ACTR3: variants seen among roughly 807,000 people sequenced by gnomAD.
ACTR3 encodes the protein actin-related protein 3.
A neutral mutation model predicts 56.8 loss-of-function variants in ACTR3; 12 were observed. The observed-to-expected ratio is 0.21, with a 90% CI of 0.14 to 0.34. The LOEUF (loss-of-function observed/expected upper bound fraction) is 0.34, where lower values mean the gene tolerates loss of function less well. Ranked by LOEUF, ACTR3 falls within the 10% of genes least tolerant of loss-of-function variation. The pLI, the probability that ACTR3 is intolerant of heterozygous loss-of-function variation, is 1.00. For missense variants in ACTR3, 282 were observed against 512.5 expected (o/e 0.55, Z 4.34); for synonymous variants, 162 against 167.4 (o/e 0.97, Z 0.25).
At position 113,959,758 on chromosome 2, in the gene ACTR3, T is replaced by C. The variant is rs1278281269; in HGVS notation, c.*2303T>C. The C allele has an allele frequency of 6.6e-6, 1 of 152,042 alleles. No homozygotes were observed. The highest frequency in any genetic ancestry group is 1.5e-5 in the Non-Finnish European group (1 of 67,896). The allele number at this position is 152,042 out of a possible 1,614,324, so 9.4% of individuals were successfully genotyped here. A position where few individuals can be genotyped will look rare whatever the true frequency, so the allele number is the denominator to read the frequency against. ...TAGAGGTTGGCCAAGGTGAACTAAA[T>C]AGTCTGTAACATTGATTAGATATCA... On this transcript the variant is annotated 3_prime_UTR_variant, in exon 12 of 12. Coordinates refer to ENST00000263238, the MANE Select transcript of ACTR3 (RefSeq NM_005721.5).
In ACTR3 at chr2:113,928,512, AG is replaced by A. The variant is rs1160809195; in HGVS notation, c.336+1060del. ...CTGCACCATTCAGTGGATTTTGACC[AG>A]GGTTTGGCAAACTTTCTAAGGGAGC... On this transcript the variant is annotated intron_variant, in intron 4 of 11. Transcript: ENST00000263238. Among the ~76,000 whole-genome samples, 3 of 151,584 alleles carry A rather than the reference AG, an allele frequency of 2.0e-5. No homozygotes were observed. The East Asian group carries it at 5.8e-4, about 29-fold the overall frequency.
intron 1 of ACTR3, among the ~76,000 whole-genome samples, chr2:113,897,967 T>C (rs941122193): frequency 6.6e-6 from 1 of 152,200 alleles, no homozygotes; most frequent in African/African-American, 2.4e-5. Flanking sequence ...AATGCAATGC[T>C]CTTGGGAAGG....
intron 3 of ACTR3, among the ~76,000 whole-genome samples, chr2:113,923,337 TG>T (rs1289675595): frequency 1.5e-4 from 22 of 151,608 alleles, no homozygotes; most frequent in South Asian, 4.2e-4. Context: ...TTTGTTTGTT[TG>T]TTTGTTTGTT....
intron 6 of ACTR3, among the ~76,000 whole-genome samples, chr2:113,936,706 G>A (rs1441295069): frequency 1.3e-5 from 2 of 152,084 alleles, no homozygotes; most frequent in African/African-American, 4.8e-5. Context: ...CTACAGACTG[G>A]GTACCTAAAG....
chr2:113,901,873 C>T (rs1223501685), intron 1 of ACTR3, among the ~76,000 whole-genome samples: 1 of 152,128 alleles, frequency 6.6e-6, no homozygotes, highest in Non-Finnish European at 1.5e-5. Context: ...TGTAATTGTA[C>T]ATGTTTTAAT....
At chr2:113,908,821 C>G (rs911833579) in intron 1 of ACTR3, among the ~76,000 whole-genome samples, 8 of 151,864 alleles carry the variant, frequency 5.3e-5, no homozygotes, top group African/African-American at 1.9e-4. Flanking sequence ...GAAGGTTGAG[C>G]CTTCAAAACC....
At chr2:113,946,568 A>T (rs957738170) in intron 8 of ACTR3, among the ~76,000 whole-genome samples, 11 of 151,930 alleles carry the variant, frequency 7.2e-5, no homozygotes, top group African/African-American at 2.7e-4. Context: ...TTTTCCTTGT[A>T]TATTTATTTA....
At chr2:113,930,917 C>G (rs915944185) in intron 4 of ACTR3, among the ~76,000 whole-genome samples, 3 of 152,172 alleles carry the variant, frequency 2.0e-5, no homozygotes, top group African/African-American at 7.2e-5. Context: ...GGCTCTCCCA[C>G]TGGCAAATAC....
At chr2:113,935,069 A>G (rs1468359024) in intron 6 of ACTR3, among the ~76,000 whole-genome samples, 3 of 151,672 alleles carry the variant, frequency 2.0e-5, no homozygotes, top group Non-Finnish European at 4.4e-5. Context: ...CCAGTGTTTA[A>G]TGCATCAGGC....
rs565061885 is a variant in ACTR3 at position 113,914,573 on chromosome 2, T to G, written c.100+1346T>G. Among the ~76,000 whole-genome samples the G allele has an allele frequency of 8.8e-5, 12 of 136,086 alleles. No homozygotes were observed. In the South Asian group the frequency reaches 2.7e-3, roughly 30 times the overall value. 89.3% of individuals were successfully genotyped at this position (136,086 alleles called of 152,430 possible). A position where few individuals can be genotyped will look rare whatever the true frequency, so the allele number is the denominator to read the frequency against. On this transcript the variant is annotated intron_variant, in intron 2 of 11. Coordinates refer to ENST00000263238, the MANE Select transcript of ACTR3 (RefSeq NM_005721.5). Reference sequence around the variant, plus strand: ...TTGCAGTGAGCTGAGATGGCGCCACTGCATTCCAGGCCTGGGGGGTGACAG... The same window carrying G: ...TTGCAGTGAGCTGAGATGGCGCCACGGCATTCCAGGCCTGGGGGGTGACAG...
intron 1 of ACTR3, among the ~76,000 whole-genome samples, chr2:113,891,572 T>G (rs1302641861): frequency 7.0e-6 from 1 of 142,430 alleles, no homozygotes; most frequent in East Asian, 2.3e-4. Context: ...ACTCCCAGTT[T>G]TTTTTTTTTG....
intron 1 of ACTR3, among the ~76,000 whole-genome samples, chr2:113,891,069 T>C (rs1477365869): frequency 1.3e-5 from 2 of 152,190 alleles, no homozygotes; most frequent in African/African-American, 2.4e-5. Context: ...GCTTCCTGCT[T>C]TCAGTCTTTT....
intron 10 of ACTR3, chr2:113,954,659 T>G (rs1680178862): frequency 1.4e-5 from 2 of 146,954 alleles, no homozygotes; most frequent in Non-Finnish European, 3.1e-5. Context: ...CAGCCACATC[T>G]TTTTTTTTGC....
intron 8 of ACTR3, among the ~76,000 whole-genome samples, chr2:113,942,643 T>TC (rs1403701208): frequency 6.6e-6 from 1 of 152,062 alleles, no homozygotes. Flanking sequence ...ATTTTTTTTT[T>TC]CTTCCCTCCA....
chr2:113,948,899 A>ATC (rs1245914463), intron 8 of ACTR3, among the ~76,000 whole-genome samples: 1 of 151,710 alleles, frequency 6.6e-6, no homozygotes, highest in African/African-American at 2.4e-5. Flanking sequence ...TTCCTTTACT[A>ATC]TCATTCTAGG....
intron 3 of ACTR3, among the ~76,000 whole-genome samples, chr2:113,918,679 C>T (rs1333631873): frequency 6.6e-6 from 1 of 152,210 alleles, no homozygotes; most frequent in Admixed American, 6.5e-5. Context: ...GTTACCACGC[C>T]TGGGCCAGGA....
Position 113,910,147 on chromosome 2 carries a change from C to T in ACTR3, c.45-3025C>T, listed in dbSNP as rs141799043. On this transcript the variant is annotated intron_variant, in intron 1 of 11. Transcript: ENST00000263238. ...GGCATGATTAGTGAGTTGGGACTTCCAGCCCCACCCTCCAACCACTGGGGC... is the reference window on the plus strand; with the variant it reads ...GGCATGATTAGTGAGTTGGGACTTCTAGCCCCACCCTCCAACCACTGGGGC... Among the ~76,000 whole-genome samples, 189 of 152,194 alleles carry T rather than the reference C, an allele frequency of 1.2e-3. 1 individual carries two copies. Among genetic ancestry groups the T allele is most frequent in the African/African-American group, 4.5e-3 (185 of 41,520 alleles).
intron 10 of ACTR3, chr2:113,954,430 A>G (rs1680173563): frequency 6.6e-6 from 1 of 152,124 alleles, no homozygotes; most frequent in Admixed American, 6.6e-5. Context: ...TTGTTTTACT[A>G]TAAGCAAGAG....
intron 8 of ACTR3, among the ~76,000 whole-genome samples, chr2:113,946,756 G>T (rs1680029492): frequency 6.6e-6 from 1 of 152,066 alleles, no homozygotes; most frequent in African/African-American, 2.4e-5. Flanking sequence ...TGGAATCTTT[G>T]CCCATACCCG....
Sources: gnomAD v4.1 joint callset for allele counts (sites outside exome capture counted in the v4.1 genomes callset) on GRCh38, gnomAD v4.1.1 for gene constraint, MANE v1.5 for transcripts, NCBI Gene and HGNC (gene_info 2026-07-23, HGNC 2026-07-21) for gene names.